Variants in PDZRN4 observed in about 807,000 individuals in gnomAD.
The protein encoded by PDZRN4 is PDZ domain containing ring finger 4.
Under a neutral mutation model 99.0 loss-of-function variants are expected in PDZRN4, and 70 were observed. The observed-to-expected ratio is 0.71, with a 90% CI of 0.58 to 0.86. The LOEUF is 0.86. Among genes scored for constraint, PDZRN4 ranks in the 40% least tolerant of loss-of-function variants. The pLI, the probability that PDZRN4 is intolerant of heterozygous loss-of-function variation, is 0.00. For missense variants in PDZRN4, 1,474 were observed against 1,331.2 expected (o/e 1.11, Z -1.67); for synonymous variants, 551 against 501.6 (o/e 1.10, Z -1.32).
chr12:41,282,753 A>C (rs542049063), intron 3 of PDZRN4, among the ~76,000 whole-genome samples: 3 of 152,334 alleles, frequency 2.0e-5, no homozygotes, highest in African/African-American at 7.2e-5. Context: ...GAAACTGAAC[A>C]ACCTGCTCCT....
At chr12:41,252,021 T>A (rs951838447) in intron 3 of PDZRN4, among the ~76,000 whole-genome samples, 1 of 151,884 alleles carries the variant, frequency 6.6e-6, no homozygotes, top group African/African-American at 2.4e-5. Context: ...GATATTGAGG[T>A]GGGAGGATTG....
At chr12:41,350,820 C>T (rs761263497) in intron 3 of PDZRN4, among the ~76,000 whole-genome samples, 68 of 146,742 alleles carry the variant, frequency 4.6e-4, no homozygotes, top group Non-Finnish European at 5.9e-4. Context: ...CTGAAGATGT[C>T]ATCAATCCAA....
chr12:41,443,167 A>G (rs1469080333), intron 3 of PDZRN4, among the ~76,000 whole-genome samples: 1 of 152,132 alleles, frequency 6.6e-6, no homozygotes, highest in Admixed American at 6.6e-5. Context: ...GTCTGGTAGC[A>G]TAAGAGAGGC....
At chr12:41,194,927 A>G (rs1950761742) in intron 3 of PDZRN4, among the ~76,000 whole-genome samples, 1 of 152,204 alleles carries the variant, frequency 6.6e-6, no homozygotes. Flanking sequence ...TTTGGAATAA[A>G]TTATACAATA....
chr12:41,341,953 T>G lies in PDZRN4; in HGVS notation c.843+147765T>G, dbSNP rs112559764. ...CACACTACTTGACTCCAAAATATAC[T>G]ACAAAGCTGCAGTAACCAAAACAGC... On this transcript the variant is annotated intron_variant, in intron 3 of 9. Transcript: ENST00000402685. Among the ~76,000 whole-genome samples the G allele has an allele frequency of 3.8e-4, 57 of 151,962 alleles. 1 individual carries two copies. The South Asian group carries it at 0.012, about 31-fold the overall frequency.
intron 5 of PDZRN4, among the ~76,000 whole-genome samples, chr12:41,510,716 T>A (rs1413598887): frequency 6.6e-6 from 1 of 152,146 alleles, no homozygotes; most frequent in Admixed American, 6.6e-5. Context: ...AAGTGTTCTC[T>A]TCCACTTTAC....
intron 3 of PDZRN4, among the ~76,000 whole-genome samples, chr12:41,461,605 T>C (rs1303606730): frequency 1.3e-5 from 2 of 152,180 alleles, no homozygotes; most frequent in Non-Finnish European, 2.9e-5. Flanking sequence ...TATTCATATA[T>C]ATTAACCAGA....
chr12:41,544,420 C>G (rs1938912662), intron 5 of PDZRN4, among the ~76,000 whole-genome samples: 1 of 152,184 alleles, frequency 6.6e-6, no homozygotes, highest in South Asian at 2.1e-4. Context: ...TTCGCTTTAG[C>G]AGTTAACTAA....
At chr12:41,450,694 G>T (rs1351407886) in intron 3 of PDZRN4, among the ~76,000 whole-genome samples, 1 of 152,094 alleles carries the variant, frequency 6.6e-6, no homozygotes, top group Non-Finnish European at 1.5e-5. Flanking sequence ...AGCTGAGGCG[G>T]GGGGATCACT....
chr12:41,493,289 G>A (rs1487837306), intron 3 of PDZRN4, among the ~76,000 whole-genome samples: 1 of 152,088 alleles, frequency 6.6e-6, no homozygotes, highest in East Asian at 1.9e-4. Context: ...GCTTTTACTG[G>A]GCATTGGCAG....
chr12:41,356,191 A>T (rs1951925692), intron 3 of PDZRN4, among the ~76,000 whole-genome samples: 1 of 152,040 alleles, frequency 6.6e-6, no homozygotes, highest in Admixed American at 6.6e-5. Flanking sequence ...TTGAAACACT[A>T]CATGCTGACT....
intron 3 of PDZRN4, chr12:41,410,022 T>C (rs1227571240): frequency 6.6e-6 from 1 of 152,208 alleles, no homozygotes; most frequent in African/African-American, 2.4e-5. Context: ...AATAACCCTG[T>C]TTTCAAAGAA....
At chr12:41,313,251 A>G (rs1951618592) in intron 3 of PDZRN4, among the ~76,000 whole-genome samples, 1 of 152,068 alleles carries the variant, frequency 6.6e-6, no homozygotes, top group Non-Finnish European at 1.5e-5. Context: ...TCACTGCATC[A>G]CCATCCTTCA....
At chr12:41,444,417 C>T (rs2730821) in intron 3 of PDZRN4, among the ~76,000 whole-genome samples, 1 of 151,650 alleles carries the variant, frequency 6.6e-6, no homozygotes, top group African/African-American at 2.4e-5. Context: ...CTCACAGTTC[C>T]CTCCTTCTGC....
Position 41,506,567 on chromosome 12 carries a change from C to G in PDZRN4, c.955C>G (p.Pro319Ala), listed in dbSNP as rs1333301298. Reference protein sequence around the residue: ...QVLRRTPLSRPAYGMASEVQL... With the variant: ...QVLRRTPLSRAAYGMASEVQL... ...GTTAAGGCGAACACCTCTTAGTAGA[C>G]CAGCCTATGGGATGGCTTCAGAAGT... Residue 319 changes from proline (P) to alanine (A), a missense_variant, in exon 4 of 10, where the codon CCA becomes GCA. Physicochemically the swap from Pro to Ala is conservative, Grantham distance 27. Transcript: ENST00000402685. 1.9e-6 allele frequency: 3 copies of G among 1,613,742 alleles called. No homozygotes were observed. In the Admixed American group the frequency reaches 5.0e-5, roughly 27 times the overall value.
At chr12:41,311,351 G>A (rs1951605536) in intron 3 of PDZRN4, among the ~76,000 whole-genome samples, 1 of 151,894 alleles carries the variant, frequency 6.6e-6, no homozygotes, top group Non-Finnish European at 1.5e-5. Context: ...AAGTTAATCA[G>A]CAATACACAA....
intron 3 of PDZRN4, among the ~76,000 whole-genome samples, chr12:41,374,211 G>A (rs1415618848): frequency 1.3e-5 from 2 of 152,116 alleles, no homozygotes; most frequent in Non-Finnish European, 2.9e-5. Flanking sequence ...AGGGTATGCA[G>A]GTACAGTGAG....
At chr12:41,240,684 G>A (rs550037831) in intron 3 of PDZRN4, among the ~76,000 whole-genome samples, 78 of 152,264 alleles carry the variant, frequency 5.1e-4, no homozygotes, top group African/African-American at 1.7e-3. Context: ...TGGCAGATGC[G>A]GTGTCTGGTG....
chr12:41,206,579 A>G (rs1950852648), intron 3 of PDZRN4, among the ~76,000 whole-genome samples: 1 of 151,534 alleles, frequency 6.6e-6, no homozygotes, highest in African/African-American at 2.4e-5. Flanking sequence ...GAGCTTAGAA[A>G]TCCTGCCTTT....
Sources: gnomAD v4.1 joint callset for allele counts (sites outside exome capture counted in the v4.1 genomes callset) on GRCh38, gnomAD v4.1.1 for gene constraint, MANE v1.5 for transcripts, NCBI Gene and HGNC (gene_info 2026-07-23, HGNC 2026-07-21) for gene names.